The following ABI3BP variants were observed in gnomAD, a reference collection of about 807,000 sequenced individuals.
ABI3BP encodes the protein ABI family member 3 binding protein, also known as target of Nesh-SH3.
A neutral mutation model predicts 268.6 loss-of-function variants in ABI3BP; 216 were observed. The ratio of observed to expected loss-of-function variants is 0.80; its 90% CI spans 0.72 to 0.90. The LOEUF (loss-of-function observed/expected upper bound fraction) is 0.90, where lower values mean the gene tolerates loss of function less well. Ranked by LOEUF, ABI3BP falls within the 40% of genes least tolerant of loss-of-function variation. The pLI, the probability that ABI3BP is intolerant of heterozygous loss-of-function variation, is 0.00. For missense variants in ABI3BP, 2,090 were observed against 2,182.4 expected (o/e 0.96, Z 0.84); for synonymous variants, 730 against 730.0 (o/e 1.00, Z 0.00).
At chr3:100,775,415 G>A (rs1226454316) in intron 59 of ABI3BP, 80 bp from the exon 60 acceptor site, 3 of 1,526,868 alleles carry the variant, frequency 2.0e-6, no homozygotes, top group Non-Finnish European at 2.7e-6. Context: ...TTCCATAAAT[G>A]TTTTTAAGCA....
chr3:100,956,968 G>A (rs2153801627), intron 1 of ABI3BP, among the ~76,000 whole-genome samples: 1 of 152,310 alleles, frequency 6.6e-6, no homozygotes, highest in East Asian at 1.9e-4. Context: ...GGGTCTTAGA[G>A]GACACTGACG....
intron 3 of ABI3BP, among the ~76,000 whole-genome samples, chr3:100,901,127 A>G (rs1356377168): frequency 1.3e-5 from 2 of 152,072 alleles, no homozygotes; most frequent in African/African-American, 4.8e-5. Context: ...TGTCTGGACA[A>G]CTCTCACTAA....
intron 63 of ABI3BP, among the ~76,000 whole-genome samples, chr3:100,760,882 GTTTT>G (rs879270753): frequency 5.3e-5 from 8 of 151,446 alleles, no homozygotes; most frequent in African/African-American, 1.7e-4. Context: ...GGCAGAGAGG[GTTTT>G]TTTTTTAAAT....
intron 1 of ABI3BP, among the ~76,000 whole-genome samples, chr3:100,951,499 T>C (rs2075000805): frequency 6.6e-6 from 1 of 151,984 alleles, no homozygotes; most frequent in African/African-American, 2.4e-5. Context: ...TCTTAACCTC[T>C]ATTTCTGGAT....
intron 51 of ABI3BP, among the ~76,000 whole-genome samples, chr3:100,797,865 A>G (rs186586718): frequency 3.9e-5 from 6 of 152,208 alleles, no homozygotes; most frequent in Admixed American, 3.9e-4. Flanking sequence ...TTAGTGGTTG[A>G]TAAGGTAGAG....
chr3:100,924,063 T>A (rs570385175), intron 2 of ABI3BP, among the ~76,000 whole-genome samples: 1 of 152,212 alleles, frequency 6.6e-6, no homozygotes, highest in East Asian at 1.9e-4. Flanking sequence ...TCTAATTACA[T>A]CTTCGTAGGA....
At chr3:100,761,908 GTT>G (rs1452316826) in intron 63 of ABI3BP, among the ~76,000 whole-genome samples, 1 of 152,216 alleles carries the variant, frequency 6.6e-6, no homozygotes, top group Non-Finnish European at 1.5e-5. Context: ...ATCTCCTAGT[GTT>G]GGAACACTGC....
intron 4 of ABI3BP, among the ~76,000 whole-genome samples, chr3:100,890,523 G>A (rs72928355): frequency 0.088 from 13,370 of 151,974 alleles, 1,184 homozygotes; most frequent in East Asian, 0.28. Context: ...GGACCTTCCC[G>A]AGTCTAAAAG....
chr3:100,887,322 TAAAAAC>T (rs2042441051), intron 4 of ABI3BP, among the ~76,000 whole-genome samples: 2 of 152,128 alleles, frequency 1.3e-5, no homozygotes, highest in South Asian at 4.1e-4. Flanking sequence ...AAATATCAAA[TAAAAAC>T]AAATTACAGA....
intron 63 of ABI3BP, among the ~76,000 whole-genome samples, chr3:100,759,177 A>G (rs890353476): frequency 5.3e-5 from 8 of 152,138 alleles, no homozygotes; most frequent in Non-Finnish European, 1.2e-4. Flanking sequence ...TGTTGGTTTG[A>G]GTTGTTCAGC....
At position 100,862,767 on chromosome 3, in the gene ABI3BP, T is replaced by C; in HGVS notation, c.1210+71A>G. 5.6e-6 allele frequency: 6 copies of C among 1,064,350 alleles called. No homozygotes were observed. The South Asian group carries it at 8.9e-5, about 16-fold the overall frequency. The allele number at this position is 1,064,350 out of a possible 1,614,324, so 65.9% of individuals were successfully genotyped here. A position where few individuals can be genotyped will look rare whatever the true frequency, so the allele number is the denominator to read the frequency against. On this transcript the variant is annotated intron_variant, in intron 13 of 67. Transcript: ENST00000471714. ...TGAGGTTTCCAGAAATAAGATGCAG[T>C]AAATGTGTCCTGCAGAATTAAGCAA...
intron 6 of ABI3BP, among the ~76,000 whole-genome samples, chr3:100,878,057 G>A (rs899457251): frequency 1.1e-4 from 16 of 152,204 alleles, no homozygotes; most frequent in South Asian, 8.3e-4. Flanking sequence ...GCCTGCATGC[G>A]TTGACTCAAT....
intron 59 of ABI3BP, among the ~76,000 whole-genome samples, chr3:100,776,310 G>A (rs2096704033): frequency 6.6e-6 from 1 of 152,194 alleles, no homozygotes; most frequent in East Asian, 1.9e-4. Flanking sequence ...GGCCTCCAGG[G>A]ATGCATGTTC....
chr3:100,953,231 CA>C (rs2075719362), intron 1 of ABI3BP, among the ~76,000 whole-genome samples: 1 of 152,264 alleles, frequency 6.6e-6, no homozygotes, highest in Admixed American at 6.5e-5. Context: ...ATTACCTTTC[CA>C]ATCCACCCTT....
At chr3:100,917,007 G>A (rs1168111503) in intron 2 of ABI3BP, among the ~76,000 whole-genome samples, 1 of 152,184 alleles carries the variant, frequency 6.6e-6, no homozygotes, top group African/African-American at 2.4e-5. Context: ...ATAAAACAGG[G>A]TATATAGTTA....
At chr3:100,787,838 T>C in intron 56 of ABI3BP, 36 bp from the exon 57 acceptor site, 1 of 1,416,130 alleles carries the variant, frequency 7.1e-7, no homozygotes, top group Non-Finnish European at 9.3e-7. Flanking sequence ...TTCATTTTCT[T>C]ATTGAAAGTT....
In ABI3BP at chr3:100,789,494, A is replaced by G. The variant is rs1470326389; in HGVS notation, c.4047T>C (p.Thr1349=). Residue 1349 remains threonine (T), a synonymous_variant, in exon 56 of 68, where the codon ACT becomes ACC. Transcript: ENST00000471714. ...GCTTGTCAGATGTTCTGGGCCTCAC[A>G]GTAGTATAAAATCTGTGTGGCGCTG... ...TTQAPHRFYT[T]VRPRTSDKPH... 15 of 1,598,692 alleles carry G rather than the reference A, an allele frequency of 9.4e-6. No individual in the cohort carries two copies. The highest frequency in any genetic ancestry group is 1.7e-5 in the Admixed American group (1 of 58,174).
At chr3:100,915,386 T>C (rs2058271359) in intron 2 of ABI3BP, among the ~76,000 whole-genome samples, 1 of 152,178 alleles carries the variant, frequency 6.6e-6, no homozygotes, top group South Asian at 2.1e-4. Flanking sequence ...TAATGCACAG[T>C]GGCTCTGCCA....
At chr3:100,888,810 A>G (rs1052880060) in intron 4 of ABI3BP, among the ~76,000 whole-genome samples, 2 of 151,760 alleles carry the variant, frequency 1.3e-5, no homozygotes, top group Non-Finnish European at 2.9e-5. Flanking sequence ...ATTTTGTTTT[A>G]TAGCACTATC....
Sources: gnomAD v4.1 joint callset for allele counts (sites outside exome capture counted in the v4.1 genomes callset) on GRCh38, gnomAD v4.1.1 for gene constraint, MANE v1.5 for transcripts, NCBI Gene and HGNC (gene_info 2026-07-23, HGNC 2026-07-21) for gene names.